Variants in ANKRD18A observed in about 807,000 individuals in gnomAD.
The protein encoded by ANKRD18A is ankyrin repeat domain-containing protein 18A.
Under a neutral mutation model 110.6 loss-of-function variants are expected in ANKRD18A, and 72 were observed. The ratio of observed to expected loss-of-function variants is 0.65; its 90% CI spans 0.54 to 0.79. The LOEUF (loss-of-function observed/expected upper bound fraction) is 0.79. Among genes scored for constraint, ANKRD18A ranks in the 30% least tolerant of loss-of-function variants. The pLI is 0.00. For synonymous variants in ANKRD18A, 305 were observed against 410.3 expected (o/e 0.74, Z 3.10); for missense variants, 934 against 1,163.3 (o/e 0.80, Z 2.87).
downstream of ANKRD18A, chr9:38,568,306 A>G (rs987552948): frequency 6.6e-6 from 1 of 152,094 alleles, no homozygotes; most frequent in Non-Finnish European, 1.5e-5. Context: ...CATTTCCTCT[A>G]TGTGGCTCCA....
At chr9:38,602,043 C>T (rs1825139101) in intron 7 of ANKRD18A, among the ~76,000 whole-genome samples, 2 of 149,822 alleles carry the variant, frequency 1.3e-5, no homozygotes, top group Admixed American at 1.3e-4. Flanking sequence ...TGAAGTCCTC[C>T]CTGAATCTGG....
rs1325973175 is a variant in ANKRD18A at position 38,575,709 on chromosome 9, A to T, written c.2742-11T>A. 2 of 1,537,996 alleles carry T rather than the reference A, an allele frequency of 1.3e-6. No individual in the cohort carries two copies. The highest frequency in any genetic ancestry group is 4.2e-5 in the Admixed American group (2 of 48,016). On this transcript the variant is annotated splice_polypyrimidine_tract_variant and intron_variant, in intron 14 of 15. Transcript: ENST00000399703. ...ATTTTCTTATCCGATCTGTAAAGAG[A>T]GCAAAGACAAATGCTTAGTATTTCA...
intron 1 of ANKRD18A, among the ~76,000 whole-genome samples, chr9:38,616,637 G>A (rs1247656583): frequency 6.6e-6 from 1 of 151,972 alleles, no homozygotes. Context: ...ATTTTTTTTT[G>A]TAGAGTAGGA....
intron 3 of ANKRD18A, among the ~76,000 whole-genome samples, chr9:38,614,299 G>T (rs1309898274): frequency 6.9e-6 from 1 of 144,996 alleles, no homozygotes; most frequent in African/African-American, 2.6e-5. Flanking sequence ...TAGAGACGGG[G>T]TTTCACCATG....
chr9:38,568,906 T>C, downstream of ANKRD18A: 1 of 985,392 alleles, frequency 1.0e-6, no homozygotes, highest in Non-Finnish European at 1.2e-6. Flanking sequence ...GTCCCACAGG[T>C]TGGATGACAA....
At position 38,571,840 on chromosome 9, in the gene ANKRD18A, T is replaced by C; in HGVS notation, c.*205A>G. On this transcript the variant is annotated 3_prime_UTR_variant, in exon 16 of 16. Coordinates refer to ENST00000399703, the MANE Select transcript of ANKRD18A (RefSeq NM_147195.4). ...ATAACATATAAATATACACCATATG[T>C]GACATGAAAATATTCTACTTTAGTA... 7.9e-7 allele frequency: 1 copy of C among 1,269,392 alleles called. No homozygotes were observed. The highest frequency in any genetic ancestry group is 1.0e-6 in the Non-Finnish European group (1 of 999,696). The allele number at this position is 1,269,392 out of a possible 1,614,324, so 78.6% of individuals were successfully genotyped here.
intron 10 of ANKRD18A, among the ~76,000 whole-genome samples, chr9:38,592,402 G>A (rs1355801235): frequency 1.3e-5 from 2 of 152,192 alleles, no homozygotes; most frequent in African/African-American, 4.8e-5. Flanking sequence ...TCTGAAGACT[G>A]GGCAACAAGT....
chr9:38,582,216 C>T (rs1188078431), intron 12 of ANKRD18A, among the ~76,000 whole-genome samples: 1 of 151,972 alleles, frequency 6.6e-6, no homozygotes, highest in Non-Finnish European at 1.5e-5. Context: ...GCAGATACTG[C>T]GACCAAAATT....
downstream of ANKRD18A, among the ~76,000 whole-genome samples, chr9:38,569,904 C>G (rs2381845): frequency 1.6e-4 from 25 of 152,286 alleles, no homozygotes; most frequent in African/African-American, 5.5e-4. Context: ...AACCCAGGTA[C>G]TGTGTAAAGT....
At chr9:38,600,378 A>C (rs1825068664) in intron 8 of ANKRD18A, among the ~76,000 whole-genome samples, 1 of 152,224 alleles carries the variant, frequency 6.6e-6, no homozygotes, top group African/African-American at 2.4e-5. Context: ...AATGAATACC[A>C]ATCAGAAAGG....
At chr9:38,568,140 G>C (rs3005810), downstream of ANKRD18A, 73,226 of 152,452 alleles carry the variant, frequency 0.48, 18,490 homozygotes, top group East Asian at 0.69. Flanking sequence ...GTTCATCCAC[G>C]AGATTGGGCC....
Position 38,577,183 on chromosome 9 carries a change from T to C in ANKRD18A, c.2611A>G (p.Lys871Glu). 6.5e-7 allele frequency: 1 copy of C among 1,548,394 alleles called. No homozygotes were observed. The highest frequency in any genetic ancestry group is 8.7e-7 in the Non-Finnish European group (1 of 1,146,324). The change falls in exon 14 of 16, where the codon AAA becomes GAA. Residue 871 changes from lysine (K) to glutamate (E), a missense_variant. Lys to Glu is a moderately conservative substitution (Grantham distance 56). This residue lies in a region of ANKRD18A where 223 missense variants were observed against 226.7 expected (regional missense o/e 0.98). Transcript: ENST00000399703. ...ASLKKKELTL[K>E]DVECKFSKMK... is the part of the protein sequence containing the mutation. ...TTGGAGAATTTACATTCCACATCTT[T>C]AAGTGTGAGTTCCTTCTTTTTTAGT...
intron 10 of ANKRD18A, among the ~76,000 whole-genome samples, chr9:38,593,181 A>G (rs1824729646): frequency 6.6e-6 from 1 of 152,248 alleles, no homozygotes; most frequent in Non-Finnish European, 1.5e-5. Context: ...TACATACTCT[A>G]TTAGATCTGA....
chr9:38,617,222 T>C (rs559647413), intron 1 of ANKRD18A, among the ~76,000 whole-genome samples: 13 of 152,140 alleles, frequency 8.5e-5, no homozygotes, highest in Non-Finnish European at 1.3e-4. Flanking sequence ...CAGGTGGATC[T>C]CTAGGTCAGG....
chr9:38,601,307 A>C, intron 7 of ANKRD18A, 103 bp from the exon 8 acceptor site: 3 of 1,116,144 alleles, frequency 2.7e-6, no homozygotes, highest in Non-Finnish European at 3.8e-6. Context: ...GAGAGTTTAA[A>C]TGAAGCTTAA....
intron 3 of ANKRD18A, among the ~76,000 whole-genome samples, chr9:38,612,006 G>T (rs1373415593): frequency 6.6e-6 from 1 of 152,190 alleles, no homozygotes; most frequent in East Asian, 1.9e-4. Flanking sequence ...TTTCCTCTGG[G>T]TGGCACAAAC....
At chr9:38,573,037 A>G in intron 15 of ANKRD18A, 1 of 1,167,324 alleles carries the variant, frequency 8.6e-7, no homozygotes, top group Non-Finnish European at 1.2e-6. Context: ...TTTACACTTT[A>G]TTACTAAAAT....
chr9:38,586,706 C>T (rs367888417), intron 11 of ANKRD18A, among the ~76,000 whole-genome samples: 55 of 152,120 alleles, frequency 3.6e-4, no homozygotes, highest in Admixed American at 3.0e-3. Context: ...GCTGGGATTA[C>T]GGGCATGTGC....
chr9:38,619,158 C>G (rs1825976810), intron 1 of ANKRD18A, among the ~76,000 whole-genome samples: 1 of 152,018 alleles, frequency 6.6e-6, no homozygotes, highest in Admixed American at 6.6e-5. Context: ...CCTTTGTTAA[C>G]ATAAAATGTA....
Sources: gnomAD v4.1 joint callset for allele counts (sites outside exome capture counted in the v4.1 genomes callset) on GRCh38, gnomAD v4.1.1 for gene constraint, gnomAD v4.1.1 regional missense constraint, MANE v1.5 for transcripts, NCBI Gene and HGNC (gene_info 2026-07-23, HGNC 2026-07-21) for gene names.